Variants in TRPA1 observed in about 807,000 individuals in gnomAD.
TRPA1 encodes the protein ankyrin-like with transmembrane domains 1.
A neutral mutation model predicts 131.3 loss-of-function variants in TRPA1; 129 were observed. The observed-to-expected ratio is 0.98, with a 90% CI of 0.85 to 1.14. TRPA1 has a LOEUF of 1.14. TRPA1 is among the 50% of genes most tolerant of loss of function. The pLI is 0.00. For missense variants in TRPA1, 1,304 were observed against 1,354.2 expected (o/e 0.96, Z 0.58); for synonymous variants, 441 against 451.7 (o/e 0.98, Z 0.30).
At chr8:72,069,737 T>TA (rs35083792) in intron 2 of TRPA1, among the ~76,000 whole-genome samples, 10,344 of 142,752 alleles carry the variant, frequency 0.072, 516 homozygotes, top group Middle Eastern at 0.13. Context: ...TCAAACTTGG[T>TA]AAAAAAAAAA....
intron 12 of TRPA1, 97 bp from the exon 13 acceptor site, chr8:72,053,964 C>G: frequency 1.2e-6 from 1 of 804,212 alleles, no homozygotes; most frequent in South Asian, 1.5e-5. Context: ...CTGATGACAA[C>G]AAAAAGCATT....
rs548841078 is a variant in TRPA1, at chr8:72,075,570, C to T, written c.-161G>A. The T allele has an allele frequency of 3.0e-6, 2 of 659,198 alleles. No individual in the cohort carries two copies. Among genetic ancestry groups the T allele is most frequent in the Non-Finnish European group, 5.4e-6 (2 of 370,900 alleles). 40.8% of individuals were successfully genotyped at this position (659,198 alleles called of 1,614,324 possible). On this transcript the variant is annotated 5_prime_UTR_variant, in exon 1 of 27. Coordinates refer to ENST00000262209, the MANE Select transcript of TRPA1 (RefSeq NM_007332.3). ...GCGAAAAAGTCGCTCTGCGGAAGCC[C>T]TGGAGAACTTCTGGAAGGAGTTCTC... is the stretch of plus-strand genomic sequence containing the variant.
chr8:72,047,084 T>G (rs1805348102), intron 16 of TRPA1, 64 bp downstream of exon 16: 2 of 1,232,102 alleles, frequency 1.6e-6, no homozygotes, highest in South Asian at 2.5e-5. Flanking sequence ...TAACAATATT[T>G]TTAATATTTT....
chr8:72,052,150 A>G (rs1013084184), intron 14 of TRPA1, among the ~76,000 whole-genome samples: 2 of 152,212 alleles, frequency 1.3e-5, no homozygotes, highest in Non-Finnish European at 2.9e-5. Flanking sequence ...GGCCAGGCAC[A>G]GTGGCTCATG....
intron 12 of TRPA1, chr8:72,055,163 A>C: frequency 2.4e-6 from 1 of 414,836 alleles, no homozygotes. Flanking sequence ...GGTTCTGAGA[A>C]AGACTGCACA....
Position 72,025,981 on chromosome 8 carries a change from G to A in TRPA1, c.3030C>T (p.Pro1010=). Residue 1010 remains proline, a synonymous_variant, in exon 25 of 27, where the codon CCC becomes CCT. Transcript: ENST00000262209. The stretch of plus-strand genomic sequence containing the variant: ...TTACGAATAACATCCCACCAGATCT[G>A]GGTTTGTTGGGATACACGATGGTGG... ...QKSTIVYPNK[P]RSGGMLFHIF... 1 of 1,613,626 alleles carries A rather than the reference G, an allele frequency of 6.2e-7. No individual in the cohort carries two copies. The highest frequency in any genetic ancestry group is 1.1e-5 in the South Asian group (1 of 91,072).
chr8:72,079,950 C>A (rs35780438), upstream of TRPA1, among the ~76,000 whole-genome samples: 5,832 of 151,888 alleles, frequency 0.038, 376 homozygotes, highest in African/African-American at 0.13. Flanking sequence ...TTAATTTTAC[C>A]ATCAGATGAT....
chr8:72,071,672 T>A, intron 2 of TRPA1, 39 bp downstream of exon 2: 1 of 1,605,296 alleles, frequency 6.2e-7, no homozygotes, highest in African/African-American at 1.3e-5. Flanking sequence ...TTGAATGGGA[T>A]GAATGATTTC....
chr8:72,039,926 GA>G (rs1181953212), intron 17 of TRPA1, 129 bp from the exon 18 acceptor site: 16 of 665,604 alleles, frequency 2.4e-5, no homozygotes, highest in South Asian at 1.4e-4. Flanking sequence ...TTAGAACATT[GA>G]AAAAAATAAA....
the TRPA1 span, among the ~76,000 whole-genome samples, chr8:72,085,711 C>A: frequency 2.0e-5 from 3 of 152,048 alleles, no homozygotes; most frequent in Non-Finnish European, 4.4e-5. Context: ...TTAACCCAAT[C>A]TTCTTTTTAA....
rs766398528 is a variant in TRPA1, at chr8:72,071,803, CAT to C, written c.174_175del (p.Cys59Ter). The C allele has an allele frequency of 9.9e-6, 16 of 1,613,248 alleles. No individual in the cohort carries two copies. Among genetic ancestry groups the C allele is most frequent in the South Asian group, 1.1e-5 (1 of 91,056 alleles). Reference sequence around the variant, plus strand: ...CAAGAAGAAGGTGTCCATATCGTCACATCTTTTTAATTTCTTTTGCTTATTAA... The same window carrying C: ...CAAGAAGAAGGTGTCCATATCGTCACCTTTTTAATTTCTTTTGCTTATTAA... On this transcript the variant is annotated frameshift_variant, in exon 2 of 27. Coordinates refer to ENST00000262209, the MANE Select transcript of TRPA1 (RefSeq NM_007332.3). LOFTEE classifies it high-confidence loss of function.
At chr8:72,042,226 G>A (rs1812277151) in intron 17 of TRPA1, among the ~76,000 whole-genome samples, 1 of 151,876 alleles carries the variant, frequency 6.6e-6, no homozygotes, top group African/African-American at 2.4e-5. Context: ...ATTGACAAAT[G>A]GGTCAAGGCT....
In TRPA1 at chr8:72,059,432, T is replaced by G; in HGVS notation, c.951A>C (p.Ser317=). The stretch of plus-strand genomic sequence containing the variant: ...CTGCTAGCTCATGGTGATCAAACAA[T>G]GAAGCTCTGAAAAAACAGAATTATA... ...GCHETMLHRA[S]LFDHHELADY... Residue 317 remains serine (S), a synonymous_variant, in exon 8 of 27, where the codon TCA becomes TCC. Coordinates refer to ENST00000262209, the MANE Select transcript of TRPA1 (RefSeq NM_007332.3). 6.3e-7 allele frequency: 1 copy of G among 1,579,794 alleles called. No homozygotes were observed.
intron 24 of TRPA1, among the ~76,000 whole-genome samples, chr8:72,028,829 G>A (rs1418097820): frequency 1.3e-5 from 2 of 152,140 alleles, no homozygotes; most frequent in African/African-American, 4.8e-5. Flanking sequence ...GTTAGTGTGT[G>A]GCTGAATGAA....
chr8:72,046,217 G>A (rs565403577), intron 17 of TRPA1, among the ~76,000 whole-genome samples: 197 of 151,994 alleles, frequency 1.3e-3, no homozygotes, highest in Admixed American at 2.2e-3. Context: ...TTGAAAAAAA[G>A]GATTGCTTTC....
rs1186557857 is a variant in TRPA1, at chr8:72,065,478, T to G, written c.525A>C (p.Thr175=). The change falls in exon 4 of 27, where the codon ACA becomes ACC. Residue 175 remains threonine, a synonymous_variant. Transcript: ENST00000262209. ...GNTAVIIACT[T]NNSEALQILL... is the part of the protein sequence containing the mutation. ...AAATCTGCAATGCTTCGCTATTATTTGTGGTGCACGCAATGATCACAGCTG... is the reference window on the plus strand; with the variant it reads ...AAATCTGCAATGCTTCGCTATTATTGGTGGTGCACGCAATGATCACAGCTG... 1 of 1,613,574 alleles carries G rather than the reference T, an allele frequency of 6.2e-7. No individual in the cohort carries two copies. Among genetic ancestry groups the G allele is most frequent in the Non-Finnish European group, 8.5e-7 (1 of 1,179,694 alleles).
At chr8:72,040,304 A>T (rs938864127) in intron 17 of TRPA1, among the ~76,000 whole-genome samples, 1 of 152,144 alleles carries the variant, frequency 6.6e-6, no homozygotes, top group Non-Finnish European at 1.5e-5. Flanking sequence ...ACTGATGCCA[A>T]CAAGGGAGCA....
At chr8:72,062,548 G>GGCAACT (rs890546240) in intron 6 of TRPA1, among the ~76,000 whole-genome samples, 7 of 152,036 alleles carry the variant, frequency 4.6e-5, no homozygotes, top group Non-Finnish European at 1.0e-4. Flanking sequence ...CTTCTTTAAT[G>GGCAACT]GCAACTGCAC....
chr8:72,025,105 C>CGTGTGTGT (rs71265963), intron 25 of TRPA1, among the ~76,000 whole-genome samples: 2 of 120,112 alleles, frequency 1.7e-5, no homozygotes, highest in Non-Finnish European at 3.6e-5. Flanking sequence ...TGTGTGTGTT[C>CGTGTGTGT]GTGTGTGTGT....
Sources: gnomAD v4.1 joint callset for allele counts (sites outside exome capture counted in the v4.1 genomes callset) on GRCh38, gnomAD v4.1.1 for gene constraint, MANE v1.5 for transcripts, NCBI Gene and HGNC (gene_info 2026-07-23, HGNC 2026-07-21) for gene names.